Variants in SCARA3 observed in about 807,000 individuals in gnomAD.
The protein encoded by SCARA3 is cellular stress response gene protein.
SCARA3 carries 39 observed loss-of-function variants against 47.0 expected under a neutral mutation model. That is an observed-to-expected ratio of 0.83 (90% CI 0.64 to 1.08). The LOEUF (loss-of-function observed/expected upper bound fraction) is 1.08. Among genes scored for constraint, SCARA3 ranks in the 50% least tolerant of loss-of-function variants. The probability of loss-of-function intolerance (pLI) is 0.00; values close to 1 mark genes in which losing one functional copy is unlikely to be tolerated. For synonymous variants in SCARA3, 356 were observed against 334.1 expected (o/e 1.07, Z -0.71); for missense variants, 724 against 792.3 (o/e 0.91, Z 1.04).
At chr8:27,648,332 C>A (rs897741290) in intron 1 of SCARA3, among the ~76,000 whole-genome samples, 3 of 152,234 alleles carry the variant, frequency 2.0e-5, no homozygotes, top group Non-Finnish European at 4.4e-5. Flanking sequence ...GGAGGCAGGG[C>A]GCAGTGGCTC....
the SCARA3 span, among the ~76,000 whole-genome samples, chr8:27,703,956 T>C: frequency 6.2e-5 from 9 of 146,300 alleles, no homozygotes; most frequent in Non-Finnish European, 3.0e-5. Flanking sequence ...ACACATAAGG[T>C]GTTAAGCAGG....
At chr8:27,637,074 G>A (rs1003169725) in intron 1 of SCARA3, among the ~76,000 whole-genome samples, 2 of 152,246 alleles carry the variant, frequency 1.3e-5, no homozygotes, top group African/African-American at 2.4e-5. Context: ...GTGATGTGAT[G>A]TTGTATGGAG....
At chr8:27,635,621 ATT>A (rs10591337) in intron 1 of SCARA3, among the ~76,000 whole-genome samples, 46,617 of 147,426 alleles carry the variant, frequency 0.32, 7,678 homozygotes, top group Middle Eastern at 0.47. Context: ...CCATGCATGG[ATT>A]TTTTTTTTTT....
At chr8:27,721,648 C>A in the SCARA3 span, among the ~76,000 whole-genome samples, 1 of 152,008 alleles carries the variant, frequency 6.6e-6, no homozygotes, top group African/African-American at 2.4e-5. Context: ...GGGGGTCTTG[C>A]CAGGAACACC....
rs1802151099 is a variant in SCARA3, at chr8:27,671,327, AC to A, written c.1799del (p.Pro600GlnfsTer64). The A allele has an allele frequency of 7.0e-7, 1 of 1,426,860 alleles. No individual in the cohort carries two copies. The highest frequency in any genetic ancestry group is 9.2e-7 in the Non-Finnish European group (1 of 1,090,644). The allele number at this position is 1,426,860 out of a possible 1,614,324, so 88.4% of individuals were successfully genotyped here. A position where few individuals can be genotyped will look rare whatever the true frequency, so the allele number is the denominator to read the frequency against. ...CTGGTCTCCCGGGGCCTCCAGGTCC[AC>A]CAGGAAGCCAGAGCTTCTACTGAGG... Reference protein sequence around the residue: ...PPGLPGPPGPPGSQSFY With the variant: ...PPGLPGPPGPXGSQSFY On this transcript the variant is annotated frameshift_variant, in exon 6 of 6. Transcript: ENST00000301904. LOFTEE classifies it high-confidence loss of function.
chr8:27,697,238 G>T, the SCARA3 span: 1 of 220,098 alleles, frequency 4.5e-6, no homozygotes, highest in South Asian at 7.9e-5. Flanking sequence ...GCCTGCAGCT[G>T]CTTAGTGAGA....
At chr8:27,723,409 C>T in the SCARA3 span, among the ~76,000 whole-genome samples, 1 of 152,212 alleles carries the variant, frequency 6.6e-6, no homozygotes, top group East Asian at 1.9e-4. Context: ...CCTTCTGATT[C>T]ATTTCTTGTA....
At chr8:27,707,821 CA>C in the SCARA3 span, among the ~76,000 whole-genome samples, 8 of 142,502 alleles carry the variant, frequency 5.6e-5, no homozygotes, top group East Asian at 2.0e-4. Context: ...GAAAAACTTC[CA>C]AAAAAAAAAA....
In SCARA3 at chr8:27,659,055, G is replaced by C. The variant is rs1283731688; in HGVS notation, c.885G>C (p.Glu295Asp). 1.9e-6 allele frequency: 3 copies of C among 1,614,084 alleles called. No homozygotes were observed. Among genetic ancestry groups the C allele is most frequent in the Middle Eastern group, 1.6e-4 (1 of 6,062 alleles). Reference protein sequence around the residue: ...ASSQRISQNSESMHDLVLQVM... With the variant: ...ASSQRISQNSDSMHDLVLQVM... ...CACAGCGCATCAGCCAGAACTCAGA[G>C]AGCATGCACGACCTGGTACTCCAGG... Residue 295 changes from glutamate to aspartate, a missense_variant, in exon 5 of 6, where the codon GAG (glutamate) becomes GAC (aspartate). Coordinates refer to ENST00000301904, the MANE Select transcript of SCARA3 (RefSeq NM_016240.3).
the SCARA3 span, among the ~76,000 whole-genome samples, chr8:27,694,407 T>G: frequency 7.6e-6 from 1 of 131,294 alleles, no homozygotes; most frequent in Non-Finnish European, 1.7e-5. Flanking sequence ...ACCCGCCATG[T>G]GCTCATGTAT....
At chr8:27,699,451 C>CA in the SCARA3 span, among the ~76,000 whole-genome samples, 1 of 152,114 alleles carries the variant, frequency 6.6e-6, no homozygotes. Context: ...GTGACCCTCC[C>CA]ACCTCAGCTT....
At chr8:27,725,366 C>T in the SCARA3 span, among the ~76,000 whole-genome samples, 1 of 149,878 alleles carries the variant, frequency 6.7e-6, no homozygotes, top group African/African-American at 2.4e-5. Context: ...AGAAATATAA[C>T]ATATAATATT....
At chr8:27,714,888 CACA>C in the SCARA3 span, among the ~76,000 whole-genome samples, 1 of 152,110 alleles carries the variant, frequency 6.6e-6, no homozygotes, top group African/African-American at 2.4e-5. Context: ...ATTTGACCCT[CACA>C]ACCACTCTTT....
Position 27,633,959 on chromosome 8 carries a change from G to T in SCARA3, c.-242G>T, listed in dbSNP as rs1256427806. The T allele has an allele frequency of 1.1e-5, 2 of 187,424 alleles. No individual in the cohort carries two copies. The highest frequency in any genetic ancestry group is 2.2e-5 in the Non-Finnish European group (2 of 92,330). The allele number at this position is 187,424 out of a possible 1,614,324, so 11.6% of individuals were successfully genotyped here. A position where few individuals can be genotyped will look rare whatever the true frequency, so the allele number is the denominator to read the frequency against. Reference sequence around the variant, plus strand: ...CGGCGGCGGGATGCGCGCTCTGGGCGGCGGGGCGCGGCGCTAGGCGCCCGG... The same window carrying T: ...CGGCGGCGGGATGCGCGCTCTGGGCTGCGGGGCGCGGCGCTAGGCGCCCGG... On this transcript the variant is annotated 5_prime_UTR_variant, in exon 1 of 6. Coordinates refer to ENST00000301904, the MANE Select transcript of SCARA3 (RefSeq NM_016240.3).
the SCARA3 span, among the ~76,000 whole-genome samples, chr8:27,729,502 G>T: frequency 2.0e-5 from 3 of 152,134 alleles, no homozygotes; most frequent in Non-Finnish European, 1.5e-5. Flanking sequence ...CATAGAAAAG[G>T]AGCAGAGGCC....
chr8:27,636,660 CCGAGCGGGATTCCTGTCTA>C (rs1801257896), intron 1 of SCARA3, among the ~76,000 whole-genome samples: 1 of 152,162 alleles, frequency 6.6e-6, no homozygotes, highest in Non-Finnish European at 1.5e-5. Context: ...TCTTCATGTG[CCGAGCGGGATTCCTGTCTA>C]CGGAGGCCCT....
At chr8:27,703,844 C>CTTTTTTTTTTTTTTTTT in the SCARA3 span, 5 of 54,552 alleles carry the variant, frequency 9.2e-5, no homozygotes, top group African/African-American at 2.0e-4. Flanking sequence ...GTGCTTTCTA[C>CTTTTTTTTTTTTTTTTT]TTTTTTTTTT....
chr8:27,659,864 AAAAAAAAAAAAAAGAG>A (rs1174376445), intron 5 of SCARA3, among the ~76,000 whole-genome samples: 7 of 127,546 alleles, frequency 5.5e-5, no homozygotes, highest in East Asian at 4.8e-4. Context: ...AAAAAAAAAA[AAAAAAAAAAAAAAGAG>A]AGAGAGAGAG....
At chr8:27,633,608 C>T (rs530277510), upstream of SCARA3, among the ~76,000 whole-genome samples, 5 of 152,320 alleles carry the variant, frequency 3.3e-5, no homozygotes, top group Non-Finnish European at 7.4e-5. Context: ...GTGAGCCCCC[C>T]CATTGCGGCC....
Sources: gnomAD v4.1 joint callset for allele counts (sites outside exome capture counted in the v4.1 genomes callset) on GRCh38, gnomAD v4.1.1 for gene constraint, MANE v1.5 for transcripts, NCBI Gene and HGNC (gene_info 2026-07-23, HGNC 2026-07-21) for gene names.